The following CEP128 variants were observed in gnomAD, a reference collection of about 807,000 sequenced individuals.
The protein encoded by CEP128 is centrosomal protein 128, also known as centrosomal protein 128kDa.
CEP128 carries 132 observed loss-of-function variants against 156.7 expected under a neutral mutation model. The observed-to-expected ratio is 0.84, with a 90% CI of 0.73 to 0.97. The LOEUF is 0.97. Ranked by LOEUF, CEP128 falls within the 50% of genes least tolerant of loss-of-function variation. The probability of loss-of-function intolerance (pLI) is 0.00; values close to 1 mark genes in which losing one functional copy is unlikely to be tolerated. For synonymous variants in CEP128, 469 were observed against 448.9 expected (o/e 1.04, Z -0.57); for missense variants, 1,252 against 1,281.9 (o/e 0.98, Z 0.36).
intron 19 of CEP128, among the ~76,000 whole-genome samples, chr14:80,729,105 G>A (rs1178045713): frequency 2.8e-5 from 2 of 71,430 alleles, no homozygotes; most frequent in African/African-American, 6.5e-5. Flanking sequence ...GTGTGTGTGT[G>A]TGTGTGTGTG....
intron 13 of CEP128, among the ~76,000 whole-genome samples, chr14:80,827,451 G>A (rs1309548792): frequency 2.0e-5 from 3 of 152,156 alleles, no homozygotes; most frequent in Admixed American, 6.5e-5. Flanking sequence ...ATACTAGTAA[G>A]TGGCCCAGAG....
downstream of CEP128, among the ~76,000 whole-genome samples, chr14:80,487,393 AC>A (rs1887190938): frequency 6.6e-6 from 1 of 152,234 alleles, no homozygotes; most frequent in African/African-American, 2.4e-5. Flanking sequence ...TTAGTGACCT[AC>A]AAAGAGACTT....
Position 80,496,831 on chromosome 14 carries a change from T to C in CEP128, c.*648A>G, listed in dbSNP as rs954888414. On this transcript the variant is annotated 3_prime_UTR_variant, in exon 25 of 25. Coordinates refer to ENST00000555265, the MANE Select transcript of CEP128 (RefSeq NM_152446.5). ...AATAAATAAATTGTGCTATGAATTC[T>C]TTACAGTGCTCTACAGTTCAGATAT... is the stretch of plus-strand genomic sequence containing the variant. 6.6e-6 allele frequency: 1 copy of C among 152,226 alleles called. No individual in the cohort carries two copies. The highest frequency in any genetic ancestry group is 1.9e-4 in the East Asian group (1 of 5,198). 9.4% of individuals were successfully genotyped at this position (152,226 alleles called of 1,614,324 possible).
In CEP128 at chr14:80,815,204, C is replaced by T. The variant is rs548951275; in HGVS notation, c.1209+15939G>A. 9.8e-5 allele frequency among the ~76,000 whole-genome samples: 15 copies of T among 152,306 alleles called. 1 individual carries two copies. The South Asian group carries it at 1.5e-3, about 15-fold the overall frequency. On this transcript the variant is annotated intron_variant, in intron 13 of 24. Transcript: ENST00000555265. ...AAACAGAATTTACAAGGAACTCTAA[C>T]ATCTCAACGAAATAACAATAATAAT...
chr14:80,945,870 C>G (rs1886328225), upstream of CEP128: 1 of 152,228 alleles, frequency 6.6e-6, no homozygotes, highest in South Asian at 2.1e-4. Flanking sequence ...CTGACAACTT[C>G]CAAGTTCCTG....
intron 8 of CEP128, among the ~76,000 whole-genome samples, chr14:80,873,067 G>A (rs554969747): frequency 1.3e-5 from 2 of 152,272 alleles, no homozygotes; most frequent in African/African-American, 4.8e-5. Flanking sequence ...TAAGGAACTG[G>A]CACATGAACA....
At chr14:80,736,383 C>A (rs1289796548) in intron 19 of CEP128, among the ~76,000 whole-genome samples, 1 of 152,090 alleles carries the variant, frequency 6.6e-6, no homozygotes, top group East Asian at 1.9e-4. Flanking sequence ...TAAGTGTGCT[C>A]ATGATTCAAG....
At chr14:80,536,340 A>G (rs17530332) in intron 21 of CEP128, among the ~76,000 whole-genome samples, 23,183 of 152,116 alleles carry the variant, frequency 0.15, 1,831 homozygotes, top group South Asian at 0.22. Flanking sequence ...ATTTTCTTAT[A>G]GTGTTATTGA....
At chr14:80,878,567 G>A (rs140841361) in intron 8 of CEP128, among the ~76,000 whole-genome samples, 11 of 152,248 alleles carry the variant, frequency 7.2e-5, no homozygotes, top group African/African-American at 2.2e-4. Context: ...CTTCTACTGT[G>A]CCCTGTTGGT....
chr14:80,722,554 A>G (rs903638691), intron 19 of CEP128, among the ~76,000 whole-genome samples: 2 of 151,402 alleles, frequency 1.3e-5, no homozygotes, highest in Non-Finnish European at 2.9e-5. Flanking sequence ...TAAATGTAAC[A>G]TGTATCATTA....
intron 19 of CEP128, among the ~76,000 whole-genome samples, chr14:80,719,605 G>C (rs187100194): frequency 1.9e-3 from 294 of 152,336 alleles, no homozygotes; most frequent in Non-Finnish European, 3.6e-3. Context: ...TACTGGGCCA[G>C]ATGAAGCCTG....
At chr14:80,756,496 G>A (rs1566896619) in intron 18 of CEP128, among the ~76,000 whole-genome samples, 22 of 151,972 alleles carry the variant, frequency 1.4e-4, no homozygotes. Flanking sequence ...ACATATTTTT[G>A]CAAGGCCAAG....
chr14:80,951,925 G>C (rs552755929), intron 2 of CEP128, among the ~76,000 whole-genome samples: 14 of 151,840 alleles, frequency 9.2e-5, no homozygotes, highest in African/African-American at 3.4e-4. Context: ...TAACAATGAA[G>C]AGAACAAGAA....
intron 19 of CEP128, among the ~76,000 whole-genome samples, chr14:80,740,080 C>T (rs117555123): frequency 0.014 from 2,140 of 152,088 alleles, 26 homozygotes; most frequent in African/African-American, 0.022. Flanking sequence ...AAAAACTATG[C>T]TTTCTTTTGG....
At chr14:80,665,929 G>C (rs983587559) in intron 19 of CEP128, among the ~76,000 whole-genome samples, 3 of 152,230 alleles carry the variant, frequency 2.0e-5, no homozygotes, top group Non-Finnish European at 2.9e-5. Flanking sequence ...AACTTTCAAA[G>C]CAGATGGAAT....
chr14:80,934,270 A>G (rs887064670), intron 2 of CEP128, among the ~76,000 whole-genome samples: 2 of 152,256 alleles, frequency 1.3e-5, no homozygotes, highest in African/African-American at 4.8e-5. Flanking sequence ...AGGGTCAGGA[A>G]GAAGATAATG....
At chr14:80,860,249 A>C (rs1887450761) in intron 9 of CEP128, among the ~76,000 whole-genome samples, 1 of 152,202 alleles carries the variant, frequency 6.6e-6, no homozygotes, top group South Asian at 2.1e-4. Context: ...TTATAATCTA[A>C]AACCACTTTT....
chr14:80,610,563 T>A (rs1446486977), intron 19 of CEP128, among the ~76,000 whole-genome samples: 23 of 152,148 alleles, frequency 1.5e-4, no homozygotes, highest in Admixed American at 1.5e-3. Flanking sequence ...TGGTATTATA[T>A]GGGAAAACAT....
chr14:80,888,665 C>A (rs1048917836), intron 8 of CEP128, among the ~76,000 whole-genome samples: 1 of 152,054 alleles, frequency 6.6e-6, no homozygotes, highest in African/African-American at 2.4e-5. Flanking sequence ...CAAACCCATA[C>A]CCATATCATA....
Sources: gnomAD v4.1 joint callset for allele counts (sites outside exome capture counted in the v4.1 genomes callset) on GRCh38, gnomAD v4.1.1 for gene constraint, MANE v1.5 for transcripts, NCBI Gene and HGNC (gene_info 2026-07-23, HGNC 2026-07-21) for gene names.